Variants in COL14A1 observed in about 807,000 individuals in gnomAD.
COL14A1 encodes collagen alpha-1(XIV) chain.
COL14A1 carries 136 observed loss-of-function variants against 230.3 expected under a neutral mutation model. The ratio of observed to expected loss-of-function variants is 0.59; its 90% confidence interval spans 0.51 to 0.68. COL14A1 has a LOEUF of 0.68. Among genes scored for constraint, COL14A1 ranks in the 30% least tolerant of loss-of-function variants. The probability of loss-of-function intolerance (pLI) is 0.00; values close to 1 mark genes in which losing one functional copy is unlikely to be tolerated. For missense variants in COL14A1, 1,976 were observed against 2,215.8 expected, an observed-to-expected ratio of 0.89 and a Z score of 2.17; for synonymous variants, 792 against 784.1, an observed-to-expected ratio of 1.01 and a Z score of -0.17.
intron 32 of COL14A1, among the ~76,000 whole-genome samples, chr8:120,285,536 C>A (rs1820167381): frequency 6.7e-6 from 1 of 149,530 alleles, no homozygotes; most frequent in Admixed American, 6.7e-5. Context: ...AAACTTAAAG[C>A]AGCTGTGTCT....
intron 40 of COL14A1, among the ~76,000 whole-genome samples, chr8:120,326,301 G>A (rs2130178628): frequency 6.6e-6 from 1 of 152,282 alleles, no homozygotes; most frequent in East Asian, 1.9e-4. Flanking sequence ...GTACCCGTTG[G>A]AACTCTATAG....
chr8:120,316,013 A>G lies in COL14A1; in HGVS notation c.4659+16A>G. On this transcript the variant is annotated intron_variant, in intron 40 of 47. Transcript: ENST00000297848. ...AGGCCAGAGGGTAAGGTCTTGCCCA[A>G]GGTTGGTTTTTAGCAAAGTAGTGAC... 1 of 1,613,876 alleles carries G rather than the reference A, an allele frequency of 6.2e-7. No individual in the cohort carries two copies. Among genetic ancestry groups the G allele is most frequent in the Admixed American group, 1.7e-5 (1 of 59,998 alleles).
chr8:120,162,082 A>G (rs1312190722), intron 3 of COL14A1, among the ~76,000 whole-genome samples: 1 of 152,230 alleles, frequency 6.6e-6, no homozygotes, highest in East Asian at 1.9e-4. Context: ...GTAGTGTGTT[A>G]TGATGAAATA....
intron 42 of COL14A1, among the ~76,000 whole-genome samples, chr8:120,338,465 A>G (rs1429634196): frequency 1.3e-5 from 2 of 152,024 alleles, no homozygotes; most frequent in Non-Finnish European, 2.9e-5. Context: ...AAGTGACAAG[A>G]CCTCTTAGTG....
intron 5 of COL14A1, among the ~76,000 whole-genome samples, chr8:120,181,892 C>T (rs758897555): frequency 6.6e-6 from 1 of 152,096 alleles, no homozygotes; most frequent in East Asian, 1.9e-4. Flanking sequence ...GCGGAGGTTG[C>T]AGTAAGCCGA....
chr8:120,205,799 A>G (rs796075947), intron 9 of COL14A1, among the ~76,000 whole-genome samples: 6 of 152,296 alleles, frequency 3.9e-5, no homozygotes, highest in African/African-American at 1.2e-4. Context: ...GTTCCTGCCC[A>G]TAGTTTGTGT....
At chr8:120,346,738 G>A (rs910024138) in intron 45 of COL14A1, among the ~76,000 whole-genome samples, 7 of 151,922 alleles carry the variant, frequency 4.6e-5, no homozygotes, top group Admixed American at 1.3e-4. Flanking sequence ...AAATGTCTCC[G>A]CCCCCATGAA....
chr8:120,143,143 C>G (rs777328417), intron 1 of COL14A1, among the ~76,000 whole-genome samples: 4 of 152,190 alleles, frequency 2.6e-5, no homozygotes, highest in Non-Finnish European at 5.9e-5. Flanking sequence ...CCTTCACACT[C>G]TCCAGACTGA....
chr8:120,243,135 T>C (rs560602991), intron 19 of COL14A1, among the ~76,000 whole-genome samples: 4 of 152,260 alleles, frequency 2.6e-5, no homozygotes, highest in Non-Finnish European at 5.9e-5. Context: ...ACATGTGGCT[T>C]TTCTGGTCCA....
At chr8:120,291,365 T>C (rs1820368204) in intron 34 of COL14A1, among the ~76,000 whole-genome samples, 1 of 151,730 alleles carries the variant, frequency 6.6e-6, no homozygotes, top group African/African-American at 2.4e-5. Flanking sequence ...ATCAAGACCG[T>C]CCTGTCTAAC....
intron 45 of COL14A1, among the ~76,000 whole-genome samples, chr8:120,362,225 A>G (rs1823244324): frequency 6.6e-6 from 1 of 152,136 alleles, no homozygotes; most frequent in Non-Finnish European, 1.5e-5. Flanking sequence ...CTAGCTAAGG[A>G]CAAGTGAGTT....
chr8:120,168,366 C>A, intron 5 of COL14A1, 119 bp downstream of exon 5: 1 of 660,648 alleles, frequency 1.5e-6, no homozygotes, highest in Non-Finnish European at 2.6e-6. Flanking sequence ...ACGAAGATCG[C>A]CTGTGGCCTC....
chr8:120,293,194 A>G (rs1248283437), intron 34 of COL14A1, among the ~76,000 whole-genome samples: 4 of 151,970 alleles, frequency 2.6e-5, no homozygotes, highest in African/African-American at 7.2e-5. Flanking sequence ...TAATTATCCA[A>G]CTGGCATATA....
intron 8 of COL14A1, among the ~76,000 whole-genome samples, chr8:120,202,675 T>G (rs918503912): frequency 2.2e-4 from 34 of 151,948 alleles, no homozygotes; most frequent in Non-Finnish European, 3.1e-4. Context: ...ACTCATAGGA[T>G]TGATTGTCAG....
intron 40 of COL14A1, among the ~76,000 whole-genome samples, chr8:120,329,889 A>G (rs1821807492): frequency 6.6e-6 from 1 of 152,148 alleles, no homozygotes; most frequent in Non-Finnish European, 1.5e-5. Flanking sequence ...CACAATCCAG[A>G]GCTGTCAGCA....
intron 3 of COL14A1, among the ~76,000 whole-genome samples, chr8:120,159,077 A>G (rs981693467): frequency 6.6e-6 from 1 of 152,168 alleles, no homozygotes; most frequent in African/African-American, 2.4e-5. Context: ...ATGAGCAAAC[A>G]ATATTTGTAC....
At chr8:120,272,356 A>G (rs971097959) in intron 26 of COL14A1, among the ~76,000 whole-genome samples, 1 of 151,700 alleles carries the variant, frequency 6.6e-6, no homozygotes, top group South Asian at 2.1e-4. Flanking sequence ...AAAGCATAAA[A>G]CTCATAGGGC....
intron 1 of COL14A1, among the ~76,000 whole-genome samples, chr8:120,132,925 A>G (rs563599057): frequency 6.6e-5 from 10 of 152,074 alleles, no homozygotes; most frequent in South Asian, 6.2e-4. Context: ...CCGTGCTATT[A>G]TAACTGTTCC....
chr8:120,200,750 TATATATATATATA>T (rs1817220288), intron 8 of COL14A1, among the ~76,000 whole-genome samples: 9 of 85,882 alleles, frequency 1.0e-4, no homozygotes, highest in Non-Finnish European at 1.7e-4. Context: ...TATATATATA[TATATATATATATA>T]TATTATTTTT....
Sources: allele counts gnomAD v4.1 joint callset (sites outside exome capture counted in the v4.1 genomes callset), GRCh38; gene constraint gnomAD v4.1.1; transcripts MANE v1.5; gene names NCBI Gene and HGNC (gene_info 2026-07-23, HGNC 2026-07-21).